The following TTC23L variants were observed in gnomAD, a reference collection of about 807,000 sequenced individuals.
TTC23L encodes tetratricopeptide repeat protein 23-like.
In TTC23L, 42 loss-of-function variants were observed where a neutral mutation model predicts 48.1. The observed-to-expected ratio is 0.87, with a 90% CI of 0.68 to 1.13. TTC23L has a LOEUF of 1.13. Among genes scored for constraint, TTC23L ranks in the 50% most tolerant of loss-of-function variants. TTC23L has a pLI of 0.00. For synonymous variants in TTC23L, 159 were observed against 157.2 expected (o/e 1.01, Z -0.09); for missense variants, 391 against 421.0 (o/e 0.93, Z 0.62).
At chr5:34,862,395 G>A (rs1760739116) in intron 4 of TTC23L, among the ~76,000 whole-genome samples, 1 of 152,176 alleles carries the variant, frequency 6.6e-6, no homozygotes. Flanking sequence ...TCAATGCACA[G>A]CATTCTATGG....
At chr5:34,899,261 C>G (rs867558982) in intron 10 of TTC23L, 129 bp from the exon 11 acceptor site, 30 of 152,596 alleles carry the variant, frequency 2.0e-4, no homozygotes, top group African/African-American at 7.0e-4. Flanking sequence ...ACAGTCGCCT[C>G]AGGCTAAGTT....
the TTC23L span, among the ~76,000 whole-genome samples, chr5:34,912,813 A>G: frequency 6.6e-6 from 1 of 152,188 alleles, no homozygotes; most frequent in South Asian, 2.1e-4. Context: ...CAGCCTGGCT[A>G]ATATGGTGAA....
chr5:34,850,808 T>TG lies in TTC23L; in HGVS notation c.379+500_379+501insG, dbSNP rs1456777794. On this transcript the variant is annotated intron_variant, in intron 4 of 10. Transcript: ENST00000505624. The stretch of plus-strand genomic sequence containing the variant: ...CTAGAGAAATGGTACTTCTGGAAGG[T>TG]ACTCTAGTATAAGAGAATAAGACAA... Among the ~76,000 whole-genome samples, 3 of 152,198 alleles carry TG rather than the reference T, an allele frequency of 2.0e-5. No homozygotes were observed. In the East Asian group the frequency reaches 5.8e-4, roughly 29 times the overall value.
chr5:34,919,274 CAAAA>C, the TTC23L span, among the ~76,000 whole-genome samples: 3 of 35,964 alleles, frequency 8.3e-5, no homozygotes, highest in African/African-American at 2.2e-4. Context: ...GACCCTGTCT[CAAAA>C]AAAAAAAAAA....
At chr5:34,900,610 G>A (rs1228757169), downstream of TTC23L, among the ~76,000 whole-genome samples, 1 of 152,082 alleles carries the variant, frequency 6.6e-6, no homozygotes, top group African/African-American at 2.4e-5. Context: ...TGAAATGAGG[G>A]GCATCCACAG....
At chr5:34,845,407 G>C in intron 2 of TTC23L, 80 bp from the exon 3 acceptor site, 1 of 1,412,324 alleles carries the variant, frequency 7.1e-7, no homozygotes, top group Non-Finnish European at 9.6e-7. Context: ...CCCTAGTTGG[G>C]AGAGCTATGC....
the TTC23L span, among the ~76,000 whole-genome samples, chr5:34,915,116 A>C: frequency 2.0e-5 from 3 of 152,202 alleles, no homozygotes; most frequent in Admixed American, 6.5e-5. Flanking sequence ...TTCTGGAGGA[A>C]AATTATCTAA....
chr5:34,909,372 A>T, the TTC23L span: 3 of 1,506,242 alleles, frequency 2.0e-6, no homozygotes, highest in Non-Finnish European at 2.8e-6. Flanking sequence ...GAAAATGATT[A>T]CCTCATTTAT....
At chr5:34,878,728 T>C (rs1762025892) in intron 8 of TTC23L, among the ~76,000 whole-genome samples, 1 of 152,158 alleles carries the variant, frequency 6.6e-6, no homozygotes, top group Non-Finnish European at 1.5e-5. Context: ...AAGGGAACTC[T>C]CATACACTGT....
exon 4 of TTC23L, chr5:34,850,207 T>C: frequency 6.2e-7 from 1 of 1,613,900 alleles, no homozygotes; most frequent in Non-Finnish European, 8.5e-7. Context: ...AACAAGGAGC[T>C]GATTCGATGT....
chr5:34,868,888 G>C lies in TTC23L; in HGVS notation c.841-17G>C. On this transcript the variant is annotated splice_polypyrimidine_tract_variant and intron_variant, in intron 7 of 10. Coordinates refer to ENST00000505624, the Ensembl canonical transcript of TTC23L. ...TGTCATTGGGTGCTTACCTTGTCAT[G>C]ATTTTCTTTATTCCAGGCTCATTCT... 1.9e-6 allele frequency: 3 copies of C among 1,586,308 alleles called. No homozygotes were observed. The highest frequency in any genetic ancestry group is 2.6e-6 in the Non-Finnish European group (3 of 1,165,022).
rs369838371 is a variant in TTC23L, at chr5:34,841,659, A to T, written c.68+920A>T. Among the ~76,000 whole-genome samples the T allele has an allele frequency of 1.2e-4, 19 of 152,292 alleles. 1 individual carries two copies. The highest frequency in any genetic ancestry group is 5.9e-4 in the Admixed American group (9 of 15,290). On this transcript the variant is annotated intron_variant, in intron 2 of 10. Coordinates refer to ENST00000505624, the Ensembl canonical transcript of TTC23L. Reference sequence around the variant, plus strand: ...CAGCCTCCTGAGTAGCTGGGACTACAGGCACACACCACCATACCTGCCTAA... The same window carrying T: ...CAGCCTCCTGAGTAGCTGGGACTACTGGCACACACCACCATACCTGCCTAA...
chr5:34,839,447 C>G (rs1758404951), intron 1 of TTC23L, 188 bp downstream of exon 1: 1 of 174,700 alleles, frequency 5.7e-6, no homozygotes, highest in South Asian at 1.9e-4. Flanking sequence ...TCAGGGCTTA[C>G]AGACTTGCCG....
chr5:34,874,665 G>A (rs888692616), intron 8 of TTC23L, among the ~76,000 whole-genome samples: 1 of 151,916 alleles, frequency 6.6e-6, no homozygotes. Flanking sequence ...TGAGGCTGCT[G>A]TGAGTTATGA....
intron 9 of TTC23L, among the ~76,000 whole-genome samples, chr5:34,885,172 A>G (rs936160639): frequency 4.6e-5 from 7 of 152,256 alleles, no homozygotes; most frequent in Non-Finnish European, 5.9e-5. Flanking sequence ...CTGAAAGACA[A>G]TTAGCCTAGA....
the TTC23L span, chr5:34,915,813 T>G: frequency 6.3e-7 from 1 of 1,579,994 alleles, no homozygotes; most frequent in South Asian, 1.2e-5. Context: ...ACGAAATAGA[T>G]GCGGAGCCGC....
chr5:34,864,402 G>A, intron 5 of TTC23L, 35 bp from the exon 6 acceptor site: 1 of 1,611,864 alleles, frequency 6.2e-7, no homozygotes, highest in Non-Finnish European at 8.5e-7. Context: ...GTGGATGTTA[G>A]TTTGAGTGCT....
At chr5:34,878,903 C>T (rs980986743) in intron 8 of TTC23L, among the ~76,000 whole-genome samples, 10 of 152,154 alleles carry the variant, frequency 6.6e-5, no homozygotes, top group South Asian at 2.1e-4. Context: ...GTATGTTTAT[C>T]GTAGCACTAT....
At chr5:34,908,821 A>G in the TTC23L span, 11 of 1,612,798 alleles carry the variant, frequency 6.8e-6, no homozygotes, top group East Asian at 2.2e-4. Context: ...TCCACAAAAC[A>G]TATTTGTCCA....
Sources: allele counts gnomAD v4.1 joint callset (sites outside exome capture counted in the v4.1 genomes callset), GRCh38; gene constraint gnomAD v4.1.1; transcripts MANE v1.5; gene names NCBI Gene and HGNC (gene_info 2026-07-23, HGNC 2026-07-21).